Variants in METRNL observed in about 807,000 individuals in gnomAD.
The protein encoded by METRNL is meteorin like, glial cell differentiation regulator, also known as meteorin-like protein.
In METRNL, 9 loss-of-function variants were observed where a neutral mutation model predicts 17.4. The ratio of observed to expected loss-of-function variants is 0.52; its 90% CI spans 0.31 to 0.90. The LOEUF (loss-of-function observed/expected upper bound fraction) is 0.90, where lower values mean the gene tolerates loss of function less well. Among genes scored for constraint, METRNL ranks in the 40% least tolerant of loss-of-function variants. METRNL has a pLI of 0.05. For synonymous variants in METRNL, 215 were observed against 199.3 expected, an observed-to-expected ratio of 1.08 and a Z score of -0.66; for missense variants, 408 against 430.7, an observed-to-expected ratio of 0.95 and a Z score of 0.47.
intron 2 of METRNL, among the ~76,000 whole-genome samples, chr17:83,087,736 G>T (rs934233744): frequency 6.6e-6 from 1 of 152,220 alleles, no homozygotes; most frequent in South Asian, 2.1e-4. Context: ...CTGTAGCTGC[G>T]AGAGCCGACG....
chr17:83,086,131 C>A (rs1336867481), intron 2 of METRNL, among the ~76,000 whole-genome samples: 1 of 152,212 alleles, frequency 6.6e-6, no homozygotes, highest in Admixed American at 6.5e-5. Flanking sequence ...TGGGAGGCAC[C>A]TGTGGGCCGT....
At chr17:83,080,601 CTTTTT>C (rs563834169) in intron 1 of METRNL, among the ~76,000 whole-genome samples, 99 of 52,164 alleles carry the variant, frequency 1.9e-3, no homozygotes, top group African/African-American at 5.3e-3. Context: ...CGGCCGAGGA[CTTTTT>C]TTTTTTTTTT....
chr17:83,081,996 G>C (rs2037995096), intron 1 of METRNL: 3 of 778,690 alleles, frequency 3.9e-6, no homozygotes, highest in Non-Finnish European at 4.7e-6. Flanking sequence ...CTCATCCCCC[G>C]ATAGCTGGAA....
Position 83,085,037 on chromosome 17 carries a change from C to T in METRNL, c.270C>T (p.Ile90=), listed in dbSNP as rs745598135. Residue 90 remains isoleucine (I), a synonymous_variant, in exon 2 of 4, where the codon ATC becomes ATT. Coordinates refer to ENST00000320095, the MANE Select transcript of METRNL (RefSeq NM_001004431.3). ...GGATGTACCCAACAGGTGCTCTCAT[C>T]GTTAACCTGCGGCCCAACACCTTCT... The part of the protein sequence containing the change: ...VEWMYPTGAL[I]VNLRPNTFSP... The T allele has an allele frequency of 1.3e-5, 21 of 1,613,798 alleles. No homozygotes were observed. In the Middle Eastern group the frequency reaches 8.2e-4, roughly 63 times the overall value.
Position 83,079,758 on chromosome 17 carries a change from CG to C in METRNL, c.-54del. ...CCGCCCCCGCCCGGCTCGCCGGCTCCGGGGTCTGCTCCGGGGGTCGCGGACG... is the reference window on the plus strand; with the variant it reads ...CCGCCCCCGCCCGGCTCGCCGGCTCCGGGTCTGCTCCGGGGGTCGCGGACG... On this transcript the variant is annotated 5_prime_UTR_variant, in exon 1 of 4. Coordinates refer to ENST00000320095, the MANE Select transcript of METRNL (RefSeq NM_001004431.3). 2.3e-6 allele frequency: 2 copies of C among 868,206 alleles called. No homozygotes were observed. The highest frequency in any genetic ancestry group is 2.7e-6 in the Non-Finnish European group (2 of 728,010). 53.8% of individuals were successfully genotyped at this position (868,206 alleles called of 1,614,324 possible). A position where few individuals can be genotyped will look rare whatever the true frequency, so the allele number is the denominator to read the frequency against.
At chr17:83,082,896 G>A (rs544382942) in intron 1 of METRNL, among the ~76,000 whole-genome samples, 1 of 152,226 alleles carries the variant, frequency 6.6e-6, no homozygotes, top group Admixed American at 6.5e-5. Flanking sequence ...AAATCCCTAC[G>A]TCAGCGGGTC....
In METRNL at chr17:83,085,077, C is replaced by A; in HGVS notation, c.310C>A (p.Leu104Met). The A allele has an allele frequency of 6.2e-7, 1 of 1,613,942 alleles. No individual in the cohort carries two copies. Among genetic ancestry groups the A allele is most frequent in the Non-Finnish European group, 8.5e-7 (1 of 1,180,030 alleles). ...CAACACCTTCTCGCCTGCCCGGCAC[C>A]TGACCGTGTGCATCAGGTCCTTCAC... ...RPNTFSPARH[L>M]TVCIRSFTDS... Residue 104 changes from leucine (L) to methionine (M), a missense_variant, in exon 2 of 4, where the codon CTG becomes ATG. Leu to Met is a conservative substitution (Grantham distance 15). Coordinates refer to ENST00000320095, the MANE Select transcript of METRNL (RefSeq NM_001004431.3).
intron 2 of METRNL, among the ~76,000 whole-genome samples, chr17:83,086,320 T>C (rs2038052541): frequency 6.6e-6 from 1 of 152,246 alleles, no homozygotes; most frequent in East Asian, 1.9e-4. Flanking sequence ...CCTGGAGTCC[T>C]GACTGCCCCG....
chr17:83,088,623 C>T lies in METRNL; in HGVS notation c.556+3300C>T, dbSNP rs893253950. The stretch of plus-strand genomic sequence containing the variant: ...GGCAGTGGGAGGGGAGGGGATGCTG[C>T]CTTGATGCTGATCATGAGCACGTGG... On this transcript the variant is annotated intron_variant, in intron 2 of 3. Transcript: ENST00000320095. 3.9e-5 allele frequency among the ~76,000 whole-genome samples: 6 copies of T among 152,226 alleles called. No individual in the cohort carries two copies. In the East Asian group the frequency reaches 9.7e-4, roughly 25 times the overall value.
At chr17:83,084,543 T>G (rs2038026156) in intron 1 of METRNL, 2 of 219,054 alleles carry the variant, frequency 9.1e-6, no homozygotes, top group Non-Finnish European at 1.8e-5. Context: ...TCCATCCCAC[T>G]GCCCCAGCAC....
intron 2 of METRNL, among the ~76,000 whole-genome samples, chr17:83,087,411 C>T (rs1252496451): frequency 3.9e-5 from 6 of 152,092 alleles, no homozygotes; most frequent in Admixed American, 2.6e-4. Context: ...TGGCATCTCA[C>T]GGGAACGGGC....
rs1201520337 is a variant in METRNL, at chr17:83,094,493, C to A, written c.854C>A (p.Ala285Asp). 1 of 1,570,474 alleles carries A rather than the reference C, an allele frequency of 6.4e-7. No individual in the cohort carries two copies. Among genetic ancestry groups the A allele is most frequent in the South Asian group, 1.2e-5 (1 of 86,172 alleles). ...TTCGGGGAGGCGCGGCTCGGCTGTG[C>A]CCCACGCTTCAAGGACTTCCAGAGG... ...MHFGEARLGC[A>D]PRFKDFQRMY... Residue 285 changes from alanine to aspartate, a missense_variant, in exon 4 of 4, where the codon GCC (alanine) becomes GAC (aspartate). Coordinates refer to ENST00000320095, the MANE Select transcript of METRNL (RefSeq NM_001004431.3).
At chr17:83,080,016 C>T (rs2037963665) in intron 1 of METRNL, 31 bp downstream of exon 1, 19 of 1,008,614 alleles carry the variant, frequency 1.9e-5, no homozygotes, top group Non-Finnish European at 2.1e-5. Flanking sequence ...CCCGGCCCGG[C>T]CCCCTCCCCT....
chr17:83,083,426 G>A (rs1409519960), intron 1 of METRNL, among the ~76,000 whole-genome samples: 4 of 152,256 alleles, frequency 2.6e-5, no homozygotes, highest in Non-Finnish European at 5.9e-5. Flanking sequence ...GTGACGATGA[G>A]GCTGCATAAG....
chr17:83,094,125 C>A (rs567751413), intron 3 of METRNL, 131 bp from the exon 4 acceptor site: 3 of 702,022 alleles, frequency 4.3e-6, no homozygotes, highest in Non-Finnish European at 6.8e-6. Flanking sequence ...GGAATTTCCA[C>A]GCTAGATGGC....
chr17:83,091,150 C>G (rs2038130272), intron 2 of METRNL, among the ~76,000 whole-genome samples: 1 of 151,994 alleles, frequency 6.6e-6, no homozygotes, highest in South Asian at 2.1e-4. Context: ...GGCAGAGGTG[C>G]CCCCCCAGTG....
At chr17:83,081,453 C>T (rs2037987395) in intron 1 of METRNL, among the ~76,000 whole-genome samples, 1 of 152,160 alleles carries the variant, frequency 6.6e-6, no homozygotes, top group Non-Finnish European at 1.5e-5. Flanking sequence ...GAGGGGGCGC[C>T]TCCCGGAGCC....
chr17:83,081,295 G>T (rs1477670550), intron 1 of METRNL, among the ~76,000 whole-genome samples: 12 of 152,124 alleles, frequency 7.9e-5, no homozygotes, highest in African/African-American at 2.9e-4. Flanking sequence ...GCCTCTGCCC[G>T]GCGGGTCGGT....
chr17:83,094,195 G>T, intron 3 of METRNL, 61 bp from the exon 4 acceptor site: 1 of 1,385,288 alleles, frequency 7.2e-7, no homozygotes, highest in Non-Finnish European at 9.8e-7. Flanking sequence ...GGGGAGGTGC[G>T]GTGGTCTTGC....
Sources: allele counts gnomAD v4.1 joint callset (sites outside exome capture counted in the v4.1 genomes callset), GRCh38; gene constraint gnomAD v4.1.1; transcripts MANE v1.5; gene names NCBI Gene and HGNC (gene_info 2026-07-23, HGNC 2026-07-21).